Variants in ABR observed in about 807,000 individuals in gnomAD.
ABR encodes the protein active breakpoint cluster region-related protein.
In ABR, 35 loss-of-function variants were observed where a neutral mutation model predicts 107.2. The ratio of observed to expected loss-of-function variants is 0.33; its 90% CI spans 0.25 to 0.43. The LOEUF (loss-of-function observed/expected upper bound fraction) is 0.43. Among genes scored for constraint, ABR ranks in the 20% least tolerant of loss-of-function variants. ABR has a pLI of 1.00. For synonymous variants in ABR, 498 were observed against 462.0 expected, an observed-to-expected ratio of 1.08 and a Z score of -1.00; for missense variants, 815 against 1,115.2, an observed-to-expected ratio of 0.73 and a Z score of 3.83.
chr17:1,080,406 G>A lies in ABR; in HGVS notation c.640-1016C>T, dbSNP rs992492573. Among the ~76,000 whole-genome samples, 11 of 152,292 alleles carry A rather than the reference G, an allele frequency of 7.2e-5. No individual in the cohort carries two copies. In the East Asian group the frequency reaches 2.1e-3, roughly 29 times the overall value. ...TTTATCCTCCTTTAGAGACGTTCCA[G>A]CCCCAGCTTTTGCTAACAGGACAGT... On this transcript the variant is annotated intron_variant, in intron 5 of 22. Coordinates refer to ENST00000302538, the MANE Select transcript of ABR (RefSeq NM_021962.5).
intron 2 of ABR, among the ~76,000 whole-genome samples, chr17:1,120,158 TAAATG>T (rs1326037692): frequency 6.6e-6 from 1 of 152,166 alleles, no homozygotes; most frequent in African/African-American, 2.4e-5. Flanking sequence ...TTGGGGCTCT[TAAATG>T]AAACCAACAC....
intron 2 of ABR, among the ~76,000 whole-genome samples, chr17:1,106,058 G>A (rs989434479): frequency 2.6e-5 from 4 of 152,164 alleles, no homozygotes; most frequent in Admixed American, 6.5e-5. Flanking sequence ...AATGCAACAT[G>A]ACGCTGCTAT....
intron 1 of ABR, among the ~76,000 whole-genome samples, chr17:1,172,515 C>T (rs1405480797): frequency 6.6e-6 from 1 of 152,180 alleles, no homozygotes; most frequent in Non-Finnish European, 1.5e-5. Context: ...CTTTGGGAGG[C>T]CGAGATGGGT....
intron 1 of ABR, among the ~76,000 whole-genome samples, chr17:1,217,096 G>A (rs12601516): frequency 0.34 from 52,397 of 151,880 alleles, 10,023 homozygotes; most frequent in East Asian, 0.76. Context: ...GCAGGAGTGG[G>A]CTCTGGATTC....
intron 16 of ABR, among the ~76,000 whole-genome samples, chr17:1,032,661 C>A (rs1016488073): frequency 6.7e-6 from 1 of 148,842 alleles, no homozygotes; most frequent in Non-Finnish European, 1.5e-5. Flanking sequence ...GTGCTGGGCG[C>A]CTTGAGAGAG....
upstream of ABR, among the ~76,000 whole-genome samples, chr17:1,188,072 G>A (rs1308818204): frequency 1.3e-5 from 2 of 151,892 alleles, no homozygotes; most frequent in African/African-American, 2.4e-5. Flanking sequence ...AAAATTAGCC[G>A]GACATGGTGG....
At chr17:1,188,423 G>A (rs952800086), upstream of ABR, among the ~76,000 whole-genome samples, 61 of 151,712 alleles carry the variant, frequency 4.0e-4, no homozygotes, top group Non-Finnish European at 7.4e-4. Context: ...GGTGGCGGGC[G>A]CCTGTAGTCC....
chr17:1,166,514 C>T (rs1179769083), intron 1 of ABR, among the ~76,000 whole-genome samples: 1 of 152,024 alleles, frequency 6.6e-6, no homozygotes, highest in Non-Finnish European at 1.5e-5. Context: ...GGCAGTGGGG[C>T]CAGGAGGGGA....
At chr17:1,106,023 T>C (rs1052677115) in intron 2 of ABR, among the ~76,000 whole-genome samples, 1 of 152,214 alleles carries the variant, frequency 6.6e-6, no homozygotes, top group African/African-American at 2.4e-5. Flanking sequence ...ATGAAACATT[T>C]TTGGCAAGTG....
chr17:1,126,676 G>C (rs1204917233), intron 1 of ABR: 1 of 152,334 alleles, frequency 6.6e-6, no homozygotes, highest in African/African-American at 2.4e-5. Flanking sequence ...GGGGAGGCTG[G>C]CTGAGCCTGC....
At chr17:1,094,043 G>C (rs76541864) in intron 3 of ABR, among the ~76,000 whole-genome samples, 2 of 150,670 alleles carry the variant, frequency 1.3e-5, no homozygotes, top group Non-Finnish European at 2.9e-5. Flanking sequence ...ATGGCCCCTC[G>C]GTGTCCGGTC....
chr17:1,105,061 T>A (rs569908259), intron 2 of ABR, among the ~76,000 whole-genome samples: 23 of 146,732 alleles, frequency 1.6e-4, no homozygotes, highest in Admixed American at 7.1e-4. Context: ...CAGGCTGGAG[T>A]GCAGTGGCAG....
intron 1 of ABR, among the ~76,000 whole-genome samples, chr17:1,212,268 A>T (rs1451142029): frequency 6.6e-6 from 1 of 151,650 alleles, no homozygotes; most frequent in African/African-American, 2.4e-5. Flanking sequence ...ATCTCTACAA[A>T]AGTTTTATAA....
At position 1,163,533 on chromosome 17, in the gene ABR, A is replaced by T. The variant is rs555012994; in HGVS notation, c.61+16134T>A. 4.0e-3 allele frequency among the ~76,000 whole-genome samples: 581 copies of T among 143,484 alleles called. 1 individual carries two copies. The highest frequency in any genetic ancestry group is 0.014 in the African/African-American group (549 of 38,034). 94.1% of individuals were successfully genotyped at this position (143,484 alleles called of 152,430 possible). ...GACGCCCAGTGAACATGGATGTCGG[A>T]GCATCCAGGTGGGACCCTGGCAAAG... On this transcript the variant is annotated intron_variant, in intron 1 of 22. Transcript: ENST00000302538.
chr17:1,110,979 A>C (rs1230872067), intron 2 of ABR, among the ~76,000 whole-genome samples: 2 of 152,108 alleles, frequency 1.3e-5, no homozygotes, highest in Non-Finnish European at 2.9e-5. Flanking sequence ...CTTGGGAACG[A>C]CCAGGCCTGG....
intron 1 of ABR, among the ~76,000 whole-genome samples, chr17:1,225,001 TAGAC>T (rs1375507481): frequency 1.3e-5 from 2 of 151,698 alleles, no homozygotes; most frequent in South Asian, 4.2e-4. Flanking sequence ...TACAAAAAAT[TAGAC>T]AGGCGTGGTG....
intron 1 of ABR, among the ~76,000 whole-genome samples, chr17:1,167,797 G>A (rs951436104): frequency 5.5e-4 from 84 of 152,254 alleles, no homozygotes; most frequent in African/African-American, 1.9e-3. Flanking sequence ...CTAAGGAGTT[G>A]AGAGTCTGGC....
intron 1 of ABR, among the ~76,000 whole-genome samples, chr17:1,147,501 C>T (rs1488793758): frequency 6.6e-6 from 1 of 151,994 alleles, no homozygotes; most frequent in Non-Finnish European, 1.5e-5. Flanking sequence ...GCTGGGATTA[C>T]AGTCACCCAC....
At chr17:1,102,044 T>TA (rs1202080372) in intron 2 of ABR, among the ~76,000 whole-genome samples, 4 of 152,014 alleles carry the variant, frequency 2.6e-5, no homozygotes, top group African/African-American at 4.8e-5. Context: ...GAAAGACATT[T>TA]AAAAAACAAG....
Sources: gnomAD v4.1 joint callset for allele counts (sites outside exome capture counted in the v4.1 genomes callset) on GRCh38, gnomAD v4.1.1 for gene constraint, MANE v1.5 for transcripts, NCBI Gene and HGNC (gene_info 2026-07-23, HGNC 2026-07-21) for gene names.